The following ABR variants were observed in gnomAD, a reference collection of about 807,000 sequenced individuals.
ABR encodes the protein active breakpoint cluster region-related protein.
A neutral mutation model predicts 107.2 loss-of-function variants in ABR; 35 were observed. The observed-to-expected ratio is 0.33, with a 90% CI of 0.25 to 0.43. ABR has a LOEUF of 0.43. ABR is among the 20% of genes least tolerant of loss of function. The pLI is 1.00. For synonymous variants in ABR, 498 were observed against 462.0 expected (o/e 1.08, Z -1.00); for missense variants, 815 against 1,115.2 (o/e 0.73, Z 3.83).
At chr17:1,196,269 C>G (rs989689751) in intron 1 of ABR, among the ~76,000 whole-genome samples, 3 of 150,942 alleles carry the variant, frequency 2.0e-5, no homozygotes, top group Admixed American at 6.6e-5. Flanking sequence ...CTTTCTACTA[C>G]AAATACAAAA....
At position 1,157,411 on chromosome 17, in the gene ABR, C is replaced by T. The variant is rs2440049; in HGVS notation, c.61+22256G>A. 4.6e-5 allele frequency among the ~76,000 whole-genome samples: 7 copies of T among 152,054 alleles called. No homozygotes were observed. Among genetic ancestry groups the T allele is most frequent in the South Asian group, 2.1e-4 (1 of 4,820 alleles). ...GATTACAGGTGTGCGCCACCACGCCCGGCTAATTTTTATATTTTTAATAGA... is the reference window on the plus strand; with the variant it reads ...GATTACAGGTGTGCGCCACCACGCCTGGCTAATTTTTATATTTTTAATAGA... On this transcript the variant is annotated intron_variant, in intron 1 of 22. Transcript: ENST00000302538. The surrounding 1 kb of genome is among the most constrained non-coding windows in gnomAD (Gnocchi z 4.7).
chr17:1,123,462 C>T (rs770010857), intron 2 of ABR, among the ~76,000 whole-genome samples: 25 of 152,306 alleles, frequency 1.6e-4, no homozygotes, highest in South Asian at 1.0e-3. Context: ...CTGTGCGTGA[C>T]GCCCGTGATC....
intron 16 of ABR, chr17:1,031,889 T>TC: frequency 1.0e-6 from 1 of 995,624 alleles, no homozygotes; most frequent in Non-Finnish European, 1.2e-6. Flanking sequence ...CCTCCCTCCC[T>TC]CCCTCCGTCC....
chr17:1,043,844 G>A (rs1431652368), intron 16 of ABR, among the ~76,000 whole-genome samples: 1 of 152,258 alleles, frequency 6.6e-6, no homozygotes, highest in Non-Finnish European at 1.5e-5. Context: ...GGGAGCAGAG[G>A]TGGACTGTGG....
rs745691043 is a variant in ABR, at chr17:1,010,845, A to C, written c.2120T>G (p.Leu707Arg). ...VFDANNKDIL[L>R]MLSDMDINAI... ...GTTGATGTCCATGTCACTCAGCATCAGCAGGATGTCCTTGTTATCTGCAGG... is the reference window on the plus strand; with the variant it reads ...GTTGATGTCCATGTCACTCAGCATCCGCAGGATGTCCTTGTTATCTGCAGG... The change falls in exon 20 of 23, where the codon CTG (leucine) becomes CGG (arginine). Residue 707 changes from leucine (L) to arginine (R), a missense_variant. Physicochemically the swap from Leu to Arg is moderately radical, Grantham distance 102. Around this residue, in one of 5 missense-constraint regions of ABR, gnomAD observed 175 missense variants for 284.3 expected, o/e 0.62. Coordinates refer to ENST00000302538, the MANE Select transcript of ABR (RefSeq NM_021962.5). This position sits in a 1 kb window ranked among gnomAD's most constrained non-coding sequence, Gnocchi z 4.1. 1 of 1,613,858 alleles carries C rather than the reference A, an allele frequency of 6.2e-7. No individual in the cohort carries two copies. Among genetic ancestry groups the C allele is most frequent in the Admixed American group, 1.7e-5 (1 of 60,022 alleles).
At chr17:1,046,202 C>G (rs201802899) in intron 16 of ABR, among the ~76,000 whole-genome samples, 1 of 94,598 alleles carries the variant, frequency 1.1e-5, no homozygotes, top group Non-Finnish European at 2.8e-5. Flanking sequence ...GACGGGGTTT[C>G]GCCATGTTGG....
chr17:1,191,358 T>C (rs2042429968), upstream of ABR, among the ~76,000 whole-genome samples: 1 of 138,608 alleles, frequency 7.2e-6, no homozygotes, highest in Non-Finnish European at 1.6e-5. Context: ...TCTTTTCTTT[T>C]TTTTTTTTTT....
At chr17:1,215,496 C>T (rs1055589548) in intron 1 of ABR, among the ~76,000 whole-genome samples, 1 of 152,232 alleles carries the variant, frequency 6.6e-6, no homozygotes, top group Non-Finnish European at 1.5e-5. Flanking sequence ...CAGCCTCGGC[C>T]TCCCGAGGTG....
chr17:1,183,189 G>A (rs957662528), upstream of ABR, among the ~76,000 whole-genome samples: 14 of 152,116 alleles, frequency 9.2e-5, no homozygotes, highest in African/African-American at 3.1e-4. Context: ...AATGTGGACC[G>A]GGTGGGGACC....
rs1272512750 is a variant in ABR at position 1,179,891 on chromosome 17, A to AGGGCG, written c.-169_-165dup. The AGGGCG allele has an allele frequency of 7.9e-5, 33 of 418,070 alleles. No homozygotes were observed. The highest frequency in any genetic ancestry group is 5.5e-4 in the Admixed American group (10 of 18,092). The allele number at this position is 418,070 out of a possible 1,614,324, so 25.9% of individuals were successfully genotyped here. On this transcript the variant is annotated 5_prime_UTR_variant, in exon 1 of 23. Transcript: ENST00000302538. The surrounding 1 kb of genome is among the most constrained non-coding windows in gnomAD (Gnocchi z 4.9). ...GCGCGGGGCGGCCGGGGCAGGGGCGAGGGCGGGGCGGGAGCCCCCAAAACC... is the reference window on the plus strand; with the variant it reads ...GCGCGGGGCGGCCGGGGCAGGGGCGAGGGCGGGGCGGGGCGGGAGCCCCCAAAACC...
chr17:1,147,449 C>T (rs1310441097), intron 1 of ABR, among the ~76,000 whole-genome samples: 2 of 152,066 alleles, frequency 1.3e-5, no homozygotes, highest in East Asian at 3.9e-4. Context: ...CAACCTCTGC[C>T]TCCTGAGTTC....
chr17:1,009,673 C>T lies in ABR; in HGVS notation c.2342+6G>A, dbSNP rs200908393. The stretch of plus-strand genomic sequence containing the variant: ...AGGAGGTGGGGTTGGGGCCGCTCCC[C>T]GTTACCTTTTCAAGTGTTCCAGCAG... On this transcript the variant is annotated splice_donor_region_variant and intron_variant, in intron 21 of 22. Transcript: ENST00000302538. The T allele has an allele frequency of 1.4e-5, 22 of 1,612,418 alleles. No individual in the cohort carries two copies. Among genetic ancestry groups the T allele is most frequent in the East Asian group, 4.5e-5 (2 of 44,866 alleles).
intron 2 of ABR, among the ~76,000 whole-genome samples, chr17:1,119,747 C>T (rs1167126335): frequency 1.3e-5 from 2 of 152,294 alleles, no homozygotes; most frequent in African/African-American, 2.4e-5. Flanking sequence ...GGATCAGCGG[C>T]GGGGTGGGTG....
In ABR at chr17:1,217,547, T is replaced by C. The variant is rs1250199822; in HGVS notation, c.838+11246A>G. On this transcript the variant is annotated intron_variant, in intron 1 of 22. Coordinates refer to the ABR transcript ENST00000574139. ...TCACGCCAACTTACTTGACTATTGATATTATATTATCATCGTCCCCTAGCC... is the reference window on the plus strand; with the variant it reads ...TCACGCCAACTTACTTGACTATTGACATTATATTATCATCGTCCCCTAGCC... 3.3e-5 allele frequency among the ~76,000 whole-genome samples: 5 copies of C among 152,324 alleles called. No individual in the cohort carries two copies. In the East Asian group the frequency reaches 5.8e-4, roughly 18 times the overall value.
intron 1 of ABR, among the ~76,000 whole-genome samples, chr17:1,215,831 G>A: frequency 6.6e-6 from 1 of 152,114 alleles, no homozygotes; most frequent in Non-Finnish European, 1.5e-5. Flanking sequence ...TCTGTACTGG[G>A]AGAAAATCTT....
intron 10 of ABR, among the ~76,000 whole-genome samples, chr17:1,059,371 C>T (rs974797127): frequency 1.6e-4 from 24 of 152,322 alleles, no homozygotes; most frequent in Admixed American, 8.5e-4. Context: ...TGGCCCTGGG[C>T]GGGGTGCTAT....
At chr17:1,025,264 C>G (rs1404338180) in intron 16 of ABR, among the ~76,000 whole-genome samples, 2 of 152,144 alleles carry the variant, frequency 1.3e-5, no homozygotes, top group African/African-American at 4.8e-5. Context: ...CCATTGCACT[C>G]CAGCCTGGGC....
upstream of ABR, among the ~76,000 whole-genome samples, chr17:1,189,712 C>T (rs963249580): frequency 7.2e-5 from 11 of 152,138 alleles, no homozygotes; most frequent in Middle Eastern, 3.4e-3. Flanking sequence ...TCTTGTCTTC[C>T]AGGGAGCTTT....
In ABR at chr17:1,042,179, C is replaced by CGG. The variant is rs1467927605; in HGVS notation, c.1791+7870_1791+7871insCC. On this transcript the variant is annotated intron_variant, in intron 16 of 22. Coordinates refer to ENST00000302538, the MANE Select transcript of ABR (RefSeq NM_021962.5). ...AAATGTGCACGGATGGACGGACGGA[C>CGG]AGACGGATAAACAGACATGGCACCT... 4.0e-5 allele frequency among the ~76,000 whole-genome samples: 4 copies of CGG among 100,662 alleles called. No individual in the cohort carries two copies. The Admixed American group carries it at 4.5e-4, about 11-fold the overall frequency. The allele number at this position is 100,662 out of a possible 152,430, so 66.0% of individuals were successfully genotyped here. A position where few individuals can be genotyped will look rare whatever the true frequency, so the allele number is the denominator to read the frequency against.
Sources: gnomAD v4.1 joint callset for allele counts (sites outside exome capture counted in the v4.1 genomes callset) on GRCh38, gnomAD v4.1.1 for gene constraint, gnomAD v4.1.1 regional missense constraint, Gnocchi (gnomAD v3.1) non-coding constraint, MANE v1.5 for transcripts, NCBI Gene and HGNC (gene_info 2026-07-23, HGNC 2026-07-21) for gene names.